The following DACH2 variants were observed in gnomAD, a reference collection of about 807,000 sequenced individuals.
DACH2 encodes the protein dachshund homolog 2.
DACH2 carries 17 observed loss-of-function variants against 35.8 expected under a neutral mutation model. The observed-to-expected ratio is 0.48, with a 90% CI of 0.33 to 0.71. The LOEUF (loss-of-function observed/expected upper bound fraction) is 0.71, where lower values mean the gene tolerates loss of function less well. Ranked by LOEUF, DACH2 falls within the 30% of genes least tolerant of loss-of-function variation. The pLI, the probability that DACH2 is intolerant of heterozygous loss-of-function variation, is 0.02. For missense variants in DACH2, 469 were observed against 472.7 expected (o/e 0.99, Z 0.07); for synonymous variants, 195 against 177.3 (o/e 1.10, Z -0.79).
At chrX:86,334,687 G>A (rs147731154) in intron 1 of DACH2, among the ~76,000 whole-genome samples, 126 of 111,642 alleles carry the variant, frequency 1.1e-3, no homozygotes, top group East Asian at 4.0e-3. Context: ...TATTGCAAAC[G>A]TCTTCTCCCA....
At chrX:86,580,482 A>C (rs1156754303) in intron 3 of DACH2, among the ~76,000 whole-genome samples, 1 of 112,025 alleles carries the variant, frequency 8.9e-6, no homozygotes, top group African/African-American at 3.2e-5. Context: ...CAATGATTCT[A>C]AATAATAACA....
At chrX:86,185,243 A>G (rs1441689962) in intron 1 of DACH2, among the ~76,000 whole-genome samples, 2 of 112,055 alleles carry the variant, frequency 1.8e-5, no homozygotes, top group Non-Finnish European at 3.8e-5. Flanking sequence ...GGCAACTTGC[A>G]TACGTCAAAT....
intron 2 of DACH2, among the ~76,000 whole-genome samples, chrX:86,423,274 C>T (rs781522628): frequency 9.0e-6 from 1 of 111,159 alleles, no homozygotes; most frequent in African/African-American, 3.3e-5. Flanking sequence ...TACTAATTTA[C>T]ACTCCCACTA....
chrX:86,239,706 C>A (rs766423485), intron 1 of DACH2, among the ~76,000 whole-genome samples: 1 of 111,862 alleles, frequency 8.9e-6, no homozygotes, highest in African/African-American at 3.2e-5. Context: ...TGCACTAATT[C>A]TTGTTGACTA....
intron 1 of DACH2, among the ~76,000 whole-genome samples, chrX:86,240,325 A>C (rs1307123994): frequency 9.0e-6 from 1 of 110,803 alleles, no homozygotes; most frequent in Non-Finnish European, 1.9e-5. Context: ...AGCCTAAGAA[A>C]CGTTTTGGAA....
chrX:86,790,546 GTTTA>G (rs1361364160), intron 7 of DACH2, among the ~76,000 whole-genome samples: 1 of 111,635 alleles, frequency 9.0e-6, no homozygotes, highest in Non-Finnish European at 1.9e-5. Context: ...ATAACTCTTT[GTTTA>G]TTTGTTTGTT....
intron 3 of DACH2, among the ~76,000 whole-genome samples, chrX:86,529,923 G>T (rs2148286734): frequency 9.6e-6 from 1 of 103,852 alleles, no homozygotes; most frequent in South Asian, 4.4e-4. Context: ...TTTCTGTATG[G>T]TCAAATAGTA....
chrX:86,390,643 A>T (rs1026605397), intron 2 of DACH2, among the ~76,000 whole-genome samples: 3 of 110,465 alleles, frequency 2.7e-5, no homozygotes, highest in Admixed American at 9.6e-5. Context: ...AGGCTGGAGT[A>T]CAGTGATGCG....
chrX:86,223,591 A>G (rs757474264), intron 1 of DACH2, among the ~76,000 whole-genome samples: 3 of 111,415 alleles, frequency 2.7e-5, no homozygotes, highest in Non-Finnish European at 5.7e-5. Context: ...TTTTCTTTTC[A>G]TAATTTATTT....
intron 7 of DACH2, among the ~76,000 whole-genome samples, chrX:86,764,301 C>A (rs779604744): frequency 2.7e-5 from 3 of 111,175 alleles, no homozygotes; most frequent in South Asian, 7.5e-4. Context: ...GTGCTGAGAC[C>A]TGGGTTCCCA....
At chrX:86,667,538 AAAGAAAG>A (rs1209417184) in intron 4 of DACH2, among the ~76,000 whole-genome samples, 244 of 50,211 alleles carry the variant, frequency 4.9e-3, no homozygotes, top group East Asian at 5.6e-3. Context: ...AGAAAGAAAG[AAAGAAAG>A]AAGAAAGAAA....
intron 9 of DACH2, among the ~76,000 whole-genome samples, chrX:86,813,749 T>C (rs2042419253): frequency 9.0e-6 from 1 of 110,891 alleles, no homozygotes; most frequent in Admixed American, 9.6e-5. Context: ...TTGAAACAAC[T>C]ACCTATGTGA....
At chrX:86,741,695 C>A (rs961014774) in intron 7 of DACH2, among the ~76,000 whole-genome samples, 2 of 111,513 alleles carry the variant, frequency 1.8e-5, no homozygotes, top group Admixed American at 1.9e-4. Context: ...AATTTAAAAA[C>A]CAAAAGGACA....
chrX:86,812,946 G>T lies in DACH2; in HGVS notation c.1331G>T (p.Gly444Val). The T allele has an allele frequency of 8.3e-7, 1 of 1,209,265 alleles. No individual in the cohort carries two copies. The highest frequency in any genetic ancestry group is 1.1e-6 in the Non-Finnish European group (1 of 893,929). The change falls in exon 8 of 12, where the codon GGA (glycine) becomes GTA (valine). Residue 444 changes from glycine (G) to valine (V), a missense_variant. Gly to Val is a moderately radical substitution (Grantham distance 109). Around this residue, in one of 3 missense-constraint regions of DACH2, gnomAD observed 363 missense variants for 334.4 expected, o/e 1.09. Coordinates refer to ENST00000373125, the MANE Select transcript of DACH2 (RefSeq NM_053281.3). ...CAGGCATTGCCCGCTGGATTCCCTGGACCATTCATTTTTGCTGATAGTCTG... is the reference window on the plus strand; with the variant it reads ...CAGGCATTGCCCGCTGGATTCCCTGTACCATTCATTTTTGCTGATAGTCTG... ...PGQALPAGFP[G>V]PFIFADSLSS...
At chrX:86,580,108 G>A (rs757504960) in intron 3 of DACH2, among the ~76,000 whole-genome samples, 1 of 111,743 alleles carries the variant, frequency 8.9e-6, no homozygotes, top group Non-Finnish European at 1.9e-5. Context: ...CAGACCAGGA[G>A]CTCTTACTTG....
chrX:86,153,011 A>T (rs2030419041), intron 1 of DACH2, among the ~76,000 whole-genome samples: 1 of 111,659 alleles, frequency 9.0e-6, no homozygotes, highest in Admixed American at 9.5e-5. Context: ...TAAATATGAA[A>T]ATTACTAAAC....
intron 1 of DACH2, among the ~76,000 whole-genome samples, chrX:86,164,703 T>G (rs1191773103): frequency 1.8e-5 from 2 of 111,183 alleles, no homozygotes; most frequent in Non-Finnish European, 3.8e-5. Flanking sequence ...CTTTTGCTCA[T>G]TGCTTGTCCT....
intron 1 of DACH2, among the ~76,000 whole-genome samples, chrX:86,214,219 A>G (rs935393804): frequency 9.0e-5 from 10 of 111,468 alleles, no homozygotes; most frequent in African/African-American, 3.2e-4. Context: ...TTAAAGTTGT[A>G]TGGTATGATG....
At chrX:86,164,594 CTGAGT>C (rs1295932289) in intron 1 of DACH2, among the ~76,000 whole-genome samples, 1 of 111,119 alleles carries the variant, frequency 9.0e-6, no homozygotes, top group Non-Finnish European at 1.9e-5. Flanking sequence ...TTAATCCATC[CTGAGT>C]TGAGTTTAGT....
Sources: gnomAD v4.1 joint callset for allele counts (sites outside exome capture counted in the v4.1 genomes callset) on GRCh38, gnomAD v4.1.1 for gene constraint, gnomAD v4.1.1 regional missense constraint, MANE v1.5 for transcripts, NCBI Gene and HGNC (gene_info 2026-07-23, HGNC 2026-07-21) for gene names.